Variants in TACR3 observed in about 807,000 individuals in gnomAD.
TACR3 encodes the protein neuromedin-K receptor.
Under a neutral mutation model 35.0 loss-of-function variants are expected in TACR3, and 34 were observed. The ratio of observed to expected loss-of-function variants is 0.97; its 90% CI spans 0.74 to 1.30. The LOEUF is 1.30. Ranked by LOEUF, TACR3 falls within the 50% of genes most tolerant of loss-of-function variation. The pLI, the probability that TACR3 is intolerant of heterozygous loss-of-function variation, is 0.00. For missense variants in TACR3, 558 were observed against 591.7 expected, an observed-to-expected ratio of 0.94 and a Z score of 0.59; for synonymous variants, 233 against 221.1, an observed-to-expected ratio of 1.05 and a Z score of -0.48.
At chr4:103,688,426 C>T (rs2110214920) in intron 1 of TACR3, among the ~76,000 whole-genome samples, 1 of 151,442 alleles carries the variant, frequency 6.6e-6, no homozygotes, top group East Asian at 1.9e-4. Flanking sequence ...AGAGCTTCTG[C>T]ACAGCAAAAG....
chr4:103,668,686 A>G (rs912652807), intron 1 of TACR3, among the ~76,000 whole-genome samples: 3 of 151,914 alleles, frequency 2.0e-5, no homozygotes, highest in African/African-American at 4.8e-5. Context: ...CGTCTCTACT[A>G]AAAATACAAA....
chr4:103,606,024 G>A (rs571965711), intron 3 of TACR3, among the ~76,000 whole-genome samples: 1 of 151,850 alleles, frequency 6.6e-6, no homozygotes, highest in Non-Finnish European at 1.5e-5. Context: ...AAGGGATCCA[G>A]TTTCAGCTTT....
intron 3 of TACR3, among the ~76,000 whole-genome samples, chr4:103,615,522 T>G (rs1173380667): frequency 1.3e-5 from 2 of 152,062 alleles, no homozygotes; most frequent in Non-Finnish European, 2.9e-5. Context: ...ATAGTTATAA[T>G]GGCTTTACTA....
intron 1 of TACR3, among the ~76,000 whole-genome samples, chr4:103,685,473 C>T (rs576333253): frequency 3.9e-5 from 6 of 151,906 alleles, no homozygotes; most frequent in Admixed American, 2.0e-4. Context: ...TGGGACATGA[C>T]AATAAAAAGT....
intron 1 of TACR3, among the ~76,000 whole-genome samples, chr4:103,706,471 CAT>C (rs1366580616): frequency 6.6e-6 from 1 of 151,938 alleles, no homozygotes; most frequent in Non-Finnish European, 1.5e-5. Context: ...CATGTTAATT[CAT>C]ATGACATAAT....
intron 1 of TACR3, among the ~76,000 whole-genome samples, chr4:103,698,946 T>C (rs1578262514): frequency 6.6e-6 from 1 of 152,092 alleles, no homozygotes; most frequent in East Asian, 1.9e-4. Context: ...CCCATAAAAT[T>C]AAAAATTAAA....
intron 3 of TACR3, among the ~76,000 whole-genome samples, chr4:103,595,699 T>A (rs1161178705): frequency 1.1e-4 from 16 of 151,898 alleles, no homozygotes; most frequent in Non-Finnish European, 2.9e-5. Flanking sequence ...TAGAAAACTC[T>A]AGGGGTCATA....
chr4:103,713,838 A>G (rs1260815031), intron 1 of TACR3, among the ~76,000 whole-genome samples: 1 of 152,090 alleles, frequency 6.6e-6, no homozygotes, highest in Non-Finnish European at 1.5e-5. Flanking sequence ...GCCAAAGAAG[A>G]GAGGCTAAGG....
rs895808057 is a variant in TACR3, at chr4:103,587,726, T to C, written c.*1956A>G. 6.6e-6 allele frequency: 1 copy of C among 152,114 alleles called. No individual in the cohort carries two copies. Among genetic ancestry groups the C allele is most frequent in the South Asian group, 2.1e-4 (1 of 4,830 alleles). 9.4% of individuals were successfully genotyped at this position (152,114 alleles called of 1,614,324 possible). On this transcript the variant is annotated 3_prime_UTR_variant, in exon 5 of 5. Coordinates refer to ENST00000304883, the MANE Select transcript of TACR3 (RefSeq NM_001059.3). The stretch of plus-strand genomic sequence containing the variant: ...TTTAAGAAAATAATAACTTTTTACA[T>C]ATTAGGCTTTTTCTTGACACTTTAA...
At chr4:103,711,749 C>T (rs377282548) in intron 1 of TACR3, among the ~76,000 whole-genome samples, 156 of 152,204 alleles carry the variant, frequency 1.0e-3, no homozygotes, top group Middle Eastern at 3.4e-3. Context: ...AAAACCCCAT[C>T]GTCTCAGCCC....
intron 3 of TACR3, among the ~76,000 whole-genome samples, chr4:103,604,618 G>T (rs1268399429): frequency 6.6e-6 from 1 of 151,956 alleles, no homozygotes; most frequent in Non-Finnish European, 1.5e-5. Context: ...TAGAATGGGA[G>T]AATTTTTTTG....
At chr4:103,645,512 C>CA (rs1041170563) in intron 3 of TACR3, among the ~76,000 whole-genome samples, 2 of 151,778 alleles carry the variant, frequency 1.3e-5, no homozygotes, top group Admixed American at 6.6e-5. Flanking sequence ...AATTAATGCA[C>CA]AAAAAACTAT....
At chr4:103,660,855 A>T (rs1201408819) in intron 1 of TACR3, among the ~76,000 whole-genome samples, 1 of 152,048 alleles carries the variant, frequency 6.6e-6, no homozygotes, top group Non-Finnish European at 1.5e-5. Context: ...AATAATAAAA[A>T]AATTGATTGT....
At chr4:103,671,837 A>G (rs1188062925) in intron 1 of TACR3, among the ~76,000 whole-genome samples, 1 of 152,082 alleles carries the variant, frequency 6.6e-6, no homozygotes, top group Non-Finnish European at 1.5e-5. Context: ...TAAGACAATA[A>G]TGAAGTTTAC....
At chr4:103,615,922 C>G (rs1724647775) in intron 3 of TACR3, among the ~76,000 whole-genome samples, 1 of 152,168 alleles carries the variant, frequency 6.6e-6, no homozygotes. Flanking sequence ...TATATATCTA[C>G]TCCTTTAGAT....
chr4:103,623,679 G>A (rs1724832030), intron 3 of TACR3, among the ~76,000 whole-genome samples: 1 of 152,098 alleles, frequency 6.6e-6, no homozygotes, highest in Admixed American at 6.5e-5. Flanking sequence ...TTAAGGCATA[G>A]GGTCTCCCAT....
chr4:103,677,145 A>G (rs1726187225), intron 1 of TACR3, among the ~76,000 whole-genome samples: 1 of 152,216 alleles, frequency 6.6e-6, no homozygotes, highest in Non-Finnish European at 1.5e-5. Context: ...AATGCATATC[A>G]AAACCACAAT....
At chr4:103,629,353 CCT>C (rs1177080974) in intron 3 of TACR3, among the ~76,000 whole-genome samples, 3 of 151,976 alleles carry the variant, frequency 2.0e-5, no homozygotes, top group Admixed American at 1.3e-4. Flanking sequence ...CCAAATTGTC[CCT>C]GTTTTCAGAT....
chr4:103,638,741 C>A (rs1357049777), intron 3 of TACR3, among the ~76,000 whole-genome samples: 2 of 152,010 alleles, frequency 1.3e-5, no homozygotes, highest in Non-Finnish European at 2.9e-5. Flanking sequence ...AACAAATTTA[C>A]AAGAAAAAAC....
Sources: allele counts gnomAD v4.1 joint callset (sites outside exome capture counted in the v4.1 genomes callset), GRCh38; gene constraint gnomAD v4.1.1; transcripts MANE v1.5; gene names NCBI Gene and HGNC (gene_info 2026-07-23, HGNC 2026-07-21).